The following RAB30 variants were observed in gnomAD, a reference collection of about 807,000 sequenced individuals.
The protein encoded by RAB30 is ras-related protein Rab-30.
In RAB30, 9 loss-of-function variants were observed where a neutral mutation model predicts 25.1. That is an observed-to-expected ratio of 0.36 (90% CI 0.22 to 0.63). The LOEUF (loss-of-function observed/expected upper bound fraction) is 0.63. Among genes scored for constraint, RAB30 ranks in the 20% least tolerant of loss-of-function variants. The pLI is 0.69. For synonymous variants in RAB30, 77 were observed against 86.4 expected (o/e 0.89, Z 0.60); for missense variants, 140 against 243.5 (o/e 0.58, Z 2.83).
chr11:82,999,240 A>C (rs1857023272), intron 1 of RAB30, among the ~76,000 whole-genome samples: 1 of 152,222 alleles, frequency 6.6e-6, no homozygotes. Flanking sequence ...AGATTAGTGA[A>C]CTGAGGTTAA....
intron 1 of RAB30, among the ~76,000 whole-genome samples, chr11:83,016,626 T>C (rs1857444678): frequency 6.6e-6 from 1 of 152,340 alleles, no homozygotes; most frequent in Admixed American, 6.5e-5. Flanking sequence ...ATAACATTGG[T>C]AGGCAGTGAA....
intron 1 of RAB30, among the ~76,000 whole-genome samples, chr11:83,026,816 A>T (rs925133900): frequency 1.0e-4 from 3 of 30,058 alleles, no homozygotes; most frequent in African/African-American, 5.2e-4. Context: ...TATTTTTATT[A>T]AAAAAAACCT....
Position 82,981,854 on chromosome 11 carries a change from G to T in RAB30, c.*311C>A, listed in dbSNP as rs111541233. 1 of 310,456 alleles carries T rather than the reference G, an allele frequency of 3.2e-6. No individual in the cohort carries two copies. The highest frequency in any genetic ancestry group is 2.1e-5 in the African/African-American group (1 of 47,082). 19.2% of individuals were successfully genotyped at this position (310,456 alleles called of 1,614,324 possible). ...GGATCCCTACAGTACATTTCCCCCC[G>T]GACTCTGTTTAGGAATGCGCTTTTA... On this transcript the variant is annotated 3_prime_UTR_variant, in exon 5 of 5. Transcript: ENST00000527633.
chr11:83,003,513 C>T (rs1345554238), intron 1 of RAB30, among the ~76,000 whole-genome samples: 2 of 152,118 alleles, frequency 1.3e-5, no homozygotes, highest in Admixed American at 6.5e-5. Context: ...ACCTCTGCCT[C>T]CTGGGTTCAA....
At chr11:82,995,065 C>T (rs374999170) in intron 2 of RAB30, among the ~76,000 whole-genome samples, 136 of 152,308 alleles carry the variant, frequency 8.9e-4, no homozygotes, top group African/African-American at 3.0e-3. Context: ...GTTTCCTATA[C>T]GCTTAGGGAG....
chr11:83,054,666 G>C (rs1858421008), intron 1 of RAB30, among the ~76,000 whole-genome samples: 1 of 151,772 alleles, frequency 6.6e-6, no homozygotes, highest in Non-Finnish European at 1.5e-5. Flanking sequence ...TTTGAGACCA[G>C]CCTGGGCAAT....
chr11:83,028,966 A>G (rs564086037), intron 1 of RAB30, among the ~76,000 whole-genome samples: 1 of 152,090 alleles, frequency 6.6e-6, no homozygotes, highest in African/African-American at 2.4e-5. Flanking sequence ...CGAGGCTACA[A>G]TGAGCTGTTT....
intron 1 of RAB30, among the ~76,000 whole-genome samples, chr11:83,020,332 G>A (rs1857543193): frequency 6.6e-6 from 1 of 152,210 alleles, no homozygotes; most frequent in South Asian, 2.1e-4. Context: ...AGCAGGGTTG[G>A]GGCCAAGCTC....
intron 1 of RAB30, among the ~76,000 whole-genome samples, chr11:83,049,594 T>C (rs1858313672): frequency 6.6e-6 from 1 of 151,528 alleles, no homozygotes; most frequent in Non-Finnish European, 1.5e-5. Flanking sequence ...AATCTTCTCA[T>C]TTCAGCCTCC....
At chr11:82,982,850 A>C (rs1243721296) in intron 4 of RAB30, among the ~76,000 whole-genome samples, 4 of 151,884 alleles carry the variant, frequency 2.6e-5, no homozygotes, top group Non-Finnish European at 5.9e-5. Flanking sequence ...TGACAGAGTG[A>C]GACTCTGTCT....
chr11:83,068,356 C>A (rs1467170957), intron 1 of RAB30, among the ~76,000 whole-genome samples: 1 of 151,956 alleles, frequency 6.6e-6, no homozygotes, highest in Non-Finnish European at 1.5e-5. Flanking sequence ...CACCCTAGAT[C>A]TAAGCACCAT....
chr11:83,043,202 A>T (rs1057149227), intron 1 of RAB30, among the ~76,000 whole-genome samples: 1 of 152,196 alleles, frequency 6.6e-6, no homozygotes, highest in East Asian at 1.9e-4. Context: ...CCACTCTCTT[A>T]GAACCTTCCC....
At chr11:83,000,940 G>A (rs1480788399) in intron 1 of RAB30, among the ~76,000 whole-genome samples, 2 of 151,216 alleles carry the variant, frequency 1.3e-5, no homozygotes, top group African/African-American at 4.9e-5. Flanking sequence ...CCAGCTACTC[G>A]GGAGGCTGAG....
chr11:83,004,634 G>A (rs924820269), intron 1 of RAB30, among the ~76,000 whole-genome samples: 4 of 152,242 alleles, frequency 2.6e-5, no homozygotes, highest in African/African-American at 9.6e-5. Context: ...AGACTGGCAC[G>A]GGGGCTCAGC....
chr11:83,048,468 C>CAA (rs10650991), intron 1 of RAB30, among the ~76,000 whole-genome samples: 13,101 of 119,386 alleles, frequency 0.11, 1,428 homozygotes, highest in African/African-American at 0.29. Flanking sequence ...GACACTGTCT[C>CAA]AAAAAAAAAA....
At chr11:82,991,045 G>T (rs1416415064) in intron 3 of RAB30, among the ~76,000 whole-genome samples, 1 of 152,168 alleles carries the variant, frequency 6.6e-6, no homozygotes. Context: ...CACTGATGAG[G>T]GTGTCAGGAG....
At chr11:83,058,381 C>T (rs1383579986) in intron 1 of RAB30, among the ~76,000 whole-genome samples, 1 of 152,226 alleles carries the variant, frequency 6.6e-6, no homozygotes, top group East Asian at 1.9e-4. Flanking sequence ...AATCCAGGAT[C>T]ATATGTTACA....
intron 1 of RAB30, among the ~76,000 whole-genome samples, chr11:83,059,661 C>T (rs183768969): frequency 4.9e-4 from 75 of 152,274 alleles, no homozygotes; most frequent in African/African-American, 1.7e-3. Flanking sequence ...ACTAGGTATA[C>T]GACCCTGGGA....
At chr11:83,055,512 G>C (rs146223605) in intron 1 of RAB30, among the ~76,000 whole-genome samples, 2,091 of 152,326 alleles carry the variant, frequency 0.014, 25 homozygotes, top group Non-Finnish European at 0.021. Flanking sequence ...TGCGCAGCCA[G>C]ATCTACCCTG....
Sources: gnomAD v4.1 joint callset for allele counts (sites outside exome capture counted in the v4.1 genomes callset) on GRCh38, gnomAD v4.1.1 for gene constraint, MANE v1.5 for transcripts, NCBI Gene and HGNC (gene_info 2026-07-23, HGNC 2026-07-21) for gene names.